The following DLGAP1 variants were observed in gnomAD, a reference collection of about 807,000 sequenced individuals.
DLGAP1 encodes disks large-associated protein 1.
A neutral mutation model predicts 90.8 loss-of-function variants in DLGAP1; 11 were observed. That is an observed-to-expected ratio of 0.12 (90% CI 0.08 to 0.20). The LOEUF (loss-of-function observed/expected upper bound fraction) is 0.20, where lower values mean the gene tolerates loss of function less well. Ranked by LOEUF, DLGAP1 falls within the 10% of genes least tolerant of loss-of-function variation. The probability of loss-of-function intolerance (pLI) is 1.00; values close to 1 mark genes in which losing one functional copy is unlikely to be tolerated. For synonymous variants in DLGAP1, 558 were observed against 540.7 expected, an observed-to-expected ratio of 1.03 and a Z score of -0.44; for missense variants, 1,050 against 1,333.8, an observed-to-expected ratio of 0.79 and a Z score of 3.31.
chr18:4,426,338 T>A (rs959338240), intron 1 of DLGAP1, among the ~76,000 whole-genome samples: 6 of 152,220 alleles, frequency 3.9e-5, no homozygotes, highest in African/African-American at 1.4e-4. Flanking sequence ...GATAAAGGAT[T>A]GTCTTATTCA....
chr18:3,666,543 T>C (rs1001743762), intron 7 of DLGAP1, among the ~76,000 whole-genome samples: 2 of 152,192 alleles, frequency 1.3e-5, no homozygotes, highest in South Asian at 4.1e-4. Context: ...CCTGGTTTCA[T>C]CTACATGGAG....
chr18:3,637,337 T>C (rs1414257396), intron 7 of DLGAP1, among the ~76,000 whole-genome samples: 1 of 152,068 alleles, frequency 6.6e-6, no homozygotes. Flanking sequence ...TCTGAGGCTC[T>C]CCTCTTGTTT....
At position 3,879,640 on chromosome 18, in the gene DLGAP1, G is replaced by T; in HGVS notation, c.429C>A (p.His143Gln). The part of the protein sequence containing the change: ...DSPGRIRHLV[H>Q]SVQKLFTKSH... ...ACTTGGTGAAGAGCTTCTGGACCGA[G>T]TGCACCAGGTGGCGGATGCGGCCGG... The change falls in exon 4 of 13, where the codon CAC becomes CAA. Residue 143 changes from histidine (H) to glutamine (Q), a missense_variant. By Grantham distance (24) the His-to-Gln change is conservative (BLOSUM62 0). Coordinates refer to ENST00000315677, the MANE Select transcript of DLGAP1 (RefSeq NM_004746.4). The surrounding 1 kb of genome is among the most constrained non-coding windows in gnomAD (Gnocchi z 6.6). 2 of 1,605,228 alleles carry T rather than the reference G, an allele frequency of 1.2e-6. No individual in the cohort carries two copies.
chr18:4,254,152 A>G (rs2078838986), intron 1 of DLGAP1, among the ~76,000 whole-genome samples: 1 of 152,222 alleles, frequency 6.6e-6, no homozygotes, highest in African/African-American at 2.4e-5. Flanking sequence ...CAAGTTTCAC[A>G]GAAGGTACCT....
At chr18:4,098,315 A>G (rs1002401177) in intron 2 of DLGAP1, among the ~76,000 whole-genome samples, 4 of 152,256 alleles carry the variant, frequency 2.6e-5, no homozygotes, top group African/African-American at 9.6e-5. Flanking sequence ...AAGTTACAAA[A>G]TATGGGGAAA....
chr18:4,215,845 C>T (rs72860645), intron 1 of DLGAP1, among the ~76,000 whole-genome samples: 2,953 of 151,938 alleles, frequency 0.019, 42 homozygotes, highest in Non-Finnish European at 0.026. Context: ...ATTTCTCCTG[C>T]CAAAAGTGGG....
chr18:3,544,201 C>A (rs1175534201), intron 9 of DLGAP1, among the ~76,000 whole-genome samples: 2 of 152,118 alleles, frequency 1.3e-5, no homozygotes, highest in East Asian at 1.9e-4. Flanking sequence ...ACCAGCCTGG[C>A]CAACATGGCG....
chr18:4,174,332 ATTTT>A (rs763296512), intron 1 of DLGAP1, among the ~76,000 whole-genome samples: 4 of 151,028 alleles, frequency 2.6e-5, no homozygotes, highest in African/African-American at 9.8e-5. Context: ...ATTTTATTTT[ATTTT>A]TTATTATTAT....
At chr18:4,324,386 C>T (rs1262798274) in intron 1 of DLGAP1, among the ~76,000 whole-genome samples, 1 of 151,184 alleles carries the variant, frequency 6.6e-6, no homozygotes, top group Non-Finnish European at 1.5e-5. Flanking sequence ...AGCCTACCAA[C>T]CAAAAAAAAG....
At chr18:4,354,570 A>G (rs542579309) in intron 1 of DLGAP1, among the ~76,000 whole-genome samples, 5 of 152,142 alleles carry the variant, frequency 3.3e-5, no homozygotes, top group African/African-American at 1.2e-4. Context: ...TGTCACGCAA[A>G]CCTTTGATTA....
intron 2 of DLGAP1, among the ~76,000 whole-genome samples, chr18:4,145,199 A>G (rs1222635104): frequency 6.6e-6 from 1 of 152,226 alleles, no homozygotes; most frequent in African/African-American, 2.4e-5. Flanking sequence ...CAGTATGATT[A>G]TCATCCTGAT....
intron 7 of DLGAP1, among the ~76,000 whole-genome samples, chr18:3,713,229 G>A (rs1359909256): frequency 6.6e-6 from 1 of 152,160 alleles, no homozygotes; most frequent in Non-Finnish European, 1.5e-5. Flanking sequence ...GCTACAGTTT[G>A]CACAGCTGCA....
intron 1 of DLGAP1, among the ~76,000 whole-genome samples, chr18:4,220,805 A>G (rs757267799): frequency 6.6e-6 from 1 of 152,130 alleles, no homozygotes; most frequent in South Asian, 2.1e-4. Context: ...AATTCTTTCT[A>G]TCTAGGTCCA....
intron 2 of DLGAP1, among the ~76,000 whole-genome samples, chr18:4,070,828 T>C (rs1472082130): frequency 6.6e-6 from 1 of 152,136 alleles, no homozygotes; most frequent in East Asian, 1.9e-4. Context: ...TGAGAGAATT[T>C]AATACATGCC....
chr18:3,502,644 T>C lies in DLGAP1; in HGVS notation c.2573A>G (p.Asn858Ser). The part of the protein sequence containing the change: ...QFRELCEENL[N>S]PNAHPRPTSQ... ...GGTGGGTCTTGGATGAGCATTAGGA[T>C]TCTGCACAAGAGAAAGAAAAACATT... The change falls in exon 12 of 13, where the codon AAT becomes AGT. Residue 858 changes from asparagine (N) to serine (S), a missense_variant and splice_region_variant. Physicochemically the swap from Asn to Ser is conservative, Grantham distance 46 (BLOSUM62 1). Around this residue, in one of 2 missense-constraint regions of DLGAP1, gnomAD observed 565 missense variants for 879.7 expected, o/e 0.64. Coordinates refer to ENST00000315677, the MANE Select transcript of DLGAP1 (RefSeq NM_004746.4). The C allele has an allele frequency of 6.2e-7, 1 of 1,610,688 alleles. No homozygotes were observed. Among genetic ancestry groups the C allele is most frequent in the Non-Finnish European group, 8.5e-7 (1 of 1,179,128 alleles).
chr18:3,762,724 T>G (rs1339452503), intron 5 of DLGAP1, among the ~76,000 whole-genome samples: 2 of 152,204 alleles, frequency 1.3e-5, no homozygotes, highest in African/African-American at 4.8e-5. Context: ...TCGCCTTCAA[T>G]GGTTCTGAAC....
chr18:4,261,489 C>T (rs567667295), intron 1 of DLGAP1, among the ~76,000 whole-genome samples: 7 of 152,264 alleles, frequency 4.6e-5, no homozygotes, highest in Admixed American at 6.5e-5. Flanking sequence ...TGCTTTTCTT[C>T]TTCATGGGAT....
intron 10 of DLGAP1, among the ~76,000 whole-genome samples, chr18:3,523,648 C>T (rs570191790): frequency 0.017 from 2,619 of 151,884 alleles, 26 homozygotes; most frequent in Non-Finnish European, 0.029. Context: ...GAGATCGAGA[C>T]CATCCTGGCT....
At chr18:4,328,060 C>G (rs1236346399) in intron 1 of DLGAP1, among the ~76,000 whole-genome samples, 2 of 149,676 alleles carry the variant, frequency 1.3e-5, no homozygotes, top group East Asian at 3.9e-4. Flanking sequence ...GCTCATTTAT[C>G]TTTCCAAAAT....
Sources: gnomAD v4.1 joint callset for allele counts (sites outside exome capture counted in the v4.1 genomes callset) on GRCh38, gnomAD v4.1.1 for gene constraint, gnomAD v4.1.1 regional missense constraint, Gnocchi (gnomAD v3.1) non-coding constraint, MANE v1.5 for transcripts, NCBI Gene and HGNC (gene_info 2026-07-23, HGNC 2026-07-21) for gene names.